The following PHF14 variants were observed in gnomAD, a reference collection of about 807,000 sequenced individuals.
PHF14 encodes the protein PHD finger protein 14.
Under a neutral mutation model 117.9 loss-of-function variants are expected in PHF14, and 55 were observed. That is an observed-to-expected ratio of 0.47 (90% CI 0.38 to 0.58). PHF14 has a LOEUF of 0.58. Among genes scored for constraint, PHF14 ranks in the 20% least tolerant of loss-of-function variants. PHF14 has a pLI of 0.00. For missense variants in PHF14, 978 were observed against 1,122.2 expected (o/e 0.87, Z 1.84); for synonymous variants, 409 against 368.6 (o/e 1.11, Z -1.26).
chr7:11,148,010 AC>A (rs1168466657), intron 17 of PHF14, among the ~76,000 whole-genome samples: 2 of 152,162 alleles, frequency 1.3e-5, no homozygotes, highest in African/African-American at 4.8e-5. Context: ...ATTTTTGACA[AC>A]CAGCAGCAGT....
chr7:11,061,604 T>G (rs961017499), intron 14 of PHF14, 187 bp from the exon 15 acceptor site: 9 of 392,192 alleles, frequency 2.3e-5, no homozygotes, highest in Admixed American at 8.5e-5. Flanking sequence ...TGTTACTTTT[T>G]ATTTCCTATG....
chr7:11,033,410 C>T (rs1784194335), intron 7 of PHF14, among the ~76,000 whole-genome samples: 1 of 152,098 alleles, frequency 6.6e-6, no homozygotes, highest in South Asian at 2.1e-4. Context: ...CTGGATTCTT[C>T]CTCATTGGAA....
intron 3 of PHF14, among the ~76,000 whole-genome samples, chr7:10,986,224 T>C (rs796812549): frequency 1.1e-4 from 17 of 151,778 alleles, no homozygotes; most frequent in African/African-American, 3.6e-4. Flanking sequence ...CCACAAGCAG[T>C]CCTCCTGCTT....
intron 16 of PHF14, chr7:11,063,134 A>G (rs545271729): frequency 5.2e-6 from 5 of 953,730 alleles, no homozygotes; most frequent in South Asian, 9.7e-5. Flanking sequence ...TATGCTATCA[A>G]TGAGAAAGAT....
At chr7:11,102,959 C>G in intron 16 of PHF14, 3 of 1,015,730 alleles carry the variant, frequency 3.0e-6, no homozygotes, top group Non-Finnish European at 2.4e-6. Flanking sequence ...ATGCTACTCC[C>G]TGTTGTGATT....
In PHF14 at chr7:10,982,420, G is replaced by C; in HGVS notation, c.161G>C (p.Gly54Ala). The C allele has an allele frequency of 1.3e-6, 2 of 1,587,798 alleles. No individual in the cohort carries two copies. Among genetic ancestry groups the C allele is most frequent in the Non-Finnish European group, 1.7e-6 (2 of 1,170,162 alleles). Residue 54 changes from glycine (G) to alanine (A), a missense_variant, in exon 3 of 18, where the codon GGA becomes GCA. Gly to Ala is a moderately conservative substitution (Grantham distance 60, BLOSUM62 0). Transcript: ENST00000634607. ...AGTGAAGATGCTTCAAAGGACAGTG[G>C]AGAAGGTTCCTGTAGTGATTCTGAA... Reference protein sequence around the residue: ...NGSEDASKDSGEGSCSDSEEN... With the variant: ...NGSEDASKDSAEGSCSDSEEN...
chr7:11,088,900 A>G (rs543960017), intron 16 of PHF14, among the ~76,000 whole-genome samples: 9 of 152,182 alleles, frequency 5.9e-5, no homozygotes, highest in East Asian at 1.9e-4. Context: ...TCATAAGTAT[A>G]TGCTACTAAA....
At chr7:11,053,601 A>C (rs1219696088) in intron 14 of PHF14, among the ~76,000 whole-genome samples, 1 of 152,016 alleles carries the variant, frequency 6.6e-6, no homozygotes, top group Non-Finnish European at 1.5e-5. Context: ...CTTATGAAAC[A>C]TTATTTTTCC....
At position 10,982,688 on chromosome 7, in the gene PHF14, T is replaced by A; in HGVS notation, c.429T>A (p.Asn143Lys). ...AAGAAAAAGCAACAGTATCTGAGAA[T>A]GTGGCTGCTTCTGCTGCTGCCACCA... ...KEKEKATVSE[N>K]VAASAAATTP... The change falls in exon 3 of 18, where the codon AAT (asparagine) becomes AAA (lysine). Residue 143 changes from asparagine (N) to lysine (K), a missense_variant. Around this residue, in one of 7 missense-constraint regions of PHF14, gnomAD observed 414 missense variants for 376.4 expected, o/e 1.10. Transcript: ENST00000634607. The A allele has an allele frequency of 6.2e-7, 1 of 1,603,704 alleles. No homozygotes were observed. The highest frequency in any genetic ancestry group is 8.5e-7 in the Non-Finnish European group (1 of 1,174,830).
intron 4 of PHF14, among the ~76,000 whole-genome samples, chr7:11,011,221 C>G (rs959772942): frequency 2.0e-5 from 3 of 151,880 alleles, no homozygotes; most frequent in Non-Finnish European, 4.4e-5. Flanking sequence ...GTATATGGCT[C>G]TTTTCCTTTC....
intron 16 of PHF14, among the ~76,000 whole-genome samples, chr7:11,082,641 A>G (rs377392342): frequency 5.9e-5 from 9 of 152,308 alleles, no homozygotes; most frequent in East Asian, 3.9e-4. Flanking sequence ...CACAATTACT[A>G]GAAGATAAAG....
At chr7:11,148,310 T>G (rs1788609264) in intron 17 of PHF14, among the ~76,000 whole-genome samples, 1 of 152,202 alleles carries the variant, frequency 6.6e-6, no homozygotes, top group Admixed American at 6.5e-5. Flanking sequence ...GTAGTCAACT[T>G]AACTTTTCAT....
chr7:11,026,183 C>A (rs1332914281), intron 6 of PHF14, among the ~76,000 whole-genome samples: 1 of 151,862 alleles, frequency 6.6e-6, no homozygotes, highest in Non-Finnish European at 1.5e-5. Flanking sequence ...CACCCCCATC[C>A]GTCAGTGGCC....
intron 7 of PHF14, among the ~76,000 whole-genome samples, chr7:11,030,233 C>CA (rs1784076552): frequency 6.6e-6 from 1 of 151,362 alleles, no homozygotes; most frequent in African/African-American, 2.4e-5. Context: ...GGATGGTGGG[C>CA]AAAAGTACGA....
chr7:11,039,186 C>CAGT (rs999135987), intron 11 of PHF14, among the ~76,000 whole-genome samples: 8 of 151,984 alleles, frequency 5.3e-5, no homozygotes, highest in Non-Finnish European at 1.0e-4. Context: ...TTTAATTTAG[C>CAGT]AGTTTTAGAT....
At chr7:11,098,770 G>T (rs970662326) in intron 16 of PHF14, among the ~76,000 whole-genome samples, 1 of 152,152 alleles carries the variant, frequency 6.6e-6, no homozygotes, top group Non-Finnish European at 1.5e-5. Flanking sequence ...AACAGTGTAA[G>T]ATTTAAAATT....
At chr7:11,168,258 A>G (rs1353248223) in intron 17 of PHF14, among the ~76,000 whole-genome samples, 1 of 152,166 alleles carries the variant, frequency 6.6e-6, no homozygotes, top group East Asian at 1.9e-4. Context: ...AATGATTCAG[A>G]TTGGTTGATA....
rs1192540379 is a variant in PHF14 at position 10,990,709 on chromosome 7, C to T, written c.907C>T (p.Leu303=). The T allele has an allele frequency of 3.3e-6, 5 of 1,529,970 alleles. No homozygotes were observed. The African/African-American group carries it at 4.1e-5, about 13-fold the overall frequency. 94.8% of individuals were successfully genotyped at this position (1,529,970 alleles called of 1,614,324 possible). ...LSQSKSNEDS[L]ILEKSQNWSS... is the part of the protein sequence containing the mutation. ...GTTAATATTTTAATATTAGGACTCG[C>T]TGATTCTTGAGAAGAGTCAAAACTG... is the stretch of plus-strand genomic sequence containing the variant. The change falls in exon 4 of 18, where the codon CTG becomes TTG. Residue 303 remains leucine (L), a synonymous_variant. Coordinates refer to ENST00000634607, the MANE Select transcript of PHF14 (RefSeq NM_001007157.2).
intron 17 of PHF14, among the ~76,000 whole-genome samples, chr7:11,145,980 C>G (rs1300697811): frequency 6.6e-6 from 1 of 151,834 alleles, no homozygotes; most frequent in African/African-American, 2.4e-5. Context: ...TATGTTGAGC[C>G]TAAATTTATC....
Sources: gnomAD v4.1 joint callset for allele counts (sites outside exome capture counted in the v4.1 genomes callset) on GRCh38, gnomAD v4.1.1 for gene constraint, gnomAD v4.1.1 regional missense constraint, MANE v1.5 for transcripts, NCBI Gene and HGNC (gene_info 2026-07-23, HGNC 2026-07-21) for gene names.